The following CTNNA2 variants were observed in gnomAD, a reference collection of about 807,000 sequenced individuals.
The protein encoded by CTNNA2 is catenin alpha 2.
CTNNA2 carries 42 observed loss-of-function variants against 101.0 expected under a neutral mutation model. That is an observed-to-expected ratio of 0.42 (90% CI 0.32 to 0.54). CTNNA2 has a LOEUF of 0.54. CTNNA2 is among the 20% of genes least tolerant of loss of function. CTNNA2 has a pLI of 0.14. For missense variants in CTNNA2, 871 were observed against 1,223.1 expected, an observed-to-expected ratio of 0.71 and a Z score of 4.29; for synonymous variants, 450 against 456.4, an observed-to-expected ratio of 0.99 and a Z score of 0.18.
At chr2:79,659,232 T>G (rs1194597419) in intron 2 of CTNNA2, among the ~76,000 whole-genome samples, 1 of 141,884 alleles carries the variant, frequency 7.0e-6, no homozygotes, top group South Asian at 2.2e-4. Flanking sequence ...TTTTTTTTTT[T>G]GCTACACCAT....
In CTNNA2 at chr2:79,191,659, G is replaced by T. The variant is rs529199685; in HGVS notation, c.-524+6228G>T. 2.0e-5 allele frequency among the ~76,000 whole-genome samples: 3 copies of T among 152,262 alleles called. No homozygotes were observed. In the South Asian group the frequency reaches 6.2e-4, roughly 32 times the overall value. ...TGCAGGCTGGGAAGCACAGCCTCTG[G>T]TAGAGACCGAAAGTAGAAACTTTGA... On this transcript the variant is annotated intron_variant, in intron 1 of 21. Coordinates refer to the CTNNA2 transcript ENST00000466387.
chr2:79,310,757 A>G (rs1421711665), intron 2 of CTNNA2, among the ~76,000 whole-genome samples: 1 of 152,250 alleles, frequency 6.6e-6, no homozygotes, highest in Non-Finnish European at 1.5e-5. Context: ...TGGAAGAGAG[A>G]CTGGGGGCAG....
intron 4 of CTNNA2, among the ~76,000 whole-genome samples, chr2:79,393,185 C>A (rs1198256799): frequency 6.6e-6 from 1 of 152,160 alleles, no homozygotes; most frequent in Non-Finnish European, 1.5e-5. Context: ...ACCGTCCCAT[C>A]CTTACTCATG....
At position 80,169,023 on chromosome 2, in the gene CTNNA2, G is replaced by A. The variant is rs568946119; in HGVS notation, c.1057-224188G>A. The stretch of plus-strand genomic sequence containing the variant: ...CCCCTGGCTGGGCTCTGCTCCGTGA[G>A]ATAAGGAATCCATGGGCCACGGGGC... On this transcript the variant is annotated intron_variant, in intron 7 of 18. Transcript: ENST00000402739. Among the ~76,000 whole-genome samples the A allele has an allele frequency of 3.8e-3, 577 of 152,330 alleles. 5 individuals are homozygous for A. The highest frequency in any genetic ancestry group is 0.013 in the African/African-American group (555 of 41,570).
At chr2:80,416,361 A>G (rs537777280) in intron 8 of CTNNA2, among the ~76,000 whole-genome samples, 8 of 152,280 alleles carry the variant, frequency 5.3e-5, no homozygotes, top group South Asian at 2.1e-4. Context: ...TTATTTGTCA[A>G]TTATACCTCA....
chr2:80,200,697 G>A (rs574904463), intron 7 of CTNNA2, among the ~76,000 whole-genome samples: 47 of 151,934 alleles, frequency 3.1e-4, no homozygotes, highest in African/African-American at 1.0e-3. Context: ...CACCACGCCC[G>A]GCTAATTTTT....
At chr2:79,254,493 G>A (rs1234630418) in intron 2 of CTNNA2, among the ~76,000 whole-genome samples, 1 of 152,172 alleles carries the variant, frequency 6.6e-6, no homozygotes, top group African/African-American at 2.4e-5. Context: ...CCAGCCATGT[G>A]AAGGGCTGGC....
chr2:79,743,545 T>A (rs867103155), intron 2 of CTNNA2, among the ~76,000 whole-genome samples: 5,680 of 151,456 alleles, frequency 0.038, 312 homozygotes, highest in African/African-American at 0.12. Flanking sequence ...TATTTTTTTT[T>A]TTTTTGAGAC....
At chr2:79,854,327 T>A (rs1171883816) in intron 3 of CTNNA2, among the ~76,000 whole-genome samples, 1 of 152,230 alleles carries the variant, frequency 6.6e-6, no homozygotes, top group African/African-American at 2.4e-5. Flanking sequence ...TGAATAATGA[T>A]CACCCGTTAT....
chr2:80,063,832 C>T (rs1464673879), intron 7 of CTNNA2, among the ~76,000 whole-genome samples: 1 of 152,206 alleles, frequency 6.6e-6, no homozygotes, highest in East Asian at 1.9e-4. Flanking sequence ...GACTATTTAG[C>T]ATTTTATCAT....
At chr2:79,916,547 C>T (rs1574304465) in intron 7 of CTNNA2, among the ~76,000 whole-genome samples, 1 of 31,380 alleles carries the variant, frequency 3.2e-5, no homozygotes, top group Non-Finnish European at 6.1e-5. Context: ...CTCCCCTCCC[C>T]TCCCCTCCCC....
chr2:79,375,185 A>C (rs909320193), intron 4 of CTNNA2, among the ~76,000 whole-genome samples: 10 of 152,136 alleles, frequency 6.6e-5, no homozygotes, highest in African/African-American at 2.2e-4. Context: ...TTAATTTTTT[A>C]AAAAACCATA....
At chr2:79,930,276 AAGAGAGAGAGAGAGAAAG>A (rs1687311855) in intron 7 of CTNNA2, among the ~76,000 whole-genome samples, 4 of 13,970 alleles carry the variant, frequency 2.9e-4, no homozygotes, top group African/African-American at 4.0e-4. Context: ...GAAAGAAAGA[AAGAGAGAGAGAGAGAAAG>A]AGAAAGAAAG....
intron 2 of CTNNA2, among the ~76,000 whole-genome samples, chr2:79,280,646 T>TGTGG (rs1553390789): frequency 1.5e-5 from 2 of 136,024 alleles, no homozygotes; most frequent in African/African-American, 5.8e-5. Flanking sequence ...TGTGTGTGTG[T>TGTGG]GTGTGTGTGT....
At chr2:80,368,867 G>GTGTGTATATA (rs112571951) in intron 7 of CTNNA2, among the ~76,000 whole-genome samples, 87 of 144,768 alleles carry the variant, frequency 6.0e-4, no homozygotes, top group African/African-American at 2.1e-3. Context: ...GTGTGTGTGT[G>GTGTGTATATA]TATATATATA....
chr2:79,954,821 CGTT>C (rs1413858126), intron 7 of CTNNA2, among the ~76,000 whole-genome samples: 2 of 151,998 alleles, frequency 1.3e-5, no homozygotes, highest in Non-Finnish European at 1.5e-5. Context: ...TTTTCAATAT[CGTT>C]GTTATTCAGA....
At chr2:79,323,956 A>C (rs1676684554) in intron 3 of CTNNA2, among the ~76,000 whole-genome samples, 1 of 152,228 alleles carries the variant, frequency 6.6e-6, no homozygotes. Flanking sequence ...ACCTTCAGAA[A>C]TACAGAGAAG....
chr2:80,613,609 A>G (rs1266525003), intron 17 of CTNNA2, among the ~76,000 whole-genome samples: 2 of 151,300 alleles, frequency 1.3e-5, no homozygotes, highest in Admixed American at 6.6e-5. Flanking sequence ...AAACTTACCA[A>G]TATAATCAGT....
At chr2:80,235,627 C>T (rs1359159711) in intron 7 of CTNNA2, among the ~76,000 whole-genome samples, 1 of 152,124 alleles carries the variant, frequency 6.6e-6, no homozygotes, top group Non-Finnish European at 1.5e-5. Context: ...TGGGATCACT[C>T]CCATTTGCCT....
Sources: allele counts gnomAD v4.1 joint callset (sites outside exome capture counted in the v4.1 genomes callset), GRCh38; gene constraint gnomAD v4.1.1; transcripts MANE v1.5; gene names NCBI Gene and HGNC (gene_info 2026-07-23, HGNC 2026-07-21).